The following AGPAT4 variants were observed in gnomAD, a reference collection of about 807,000 sequenced individuals.
AGPAT4 encodes the protein 1-acylglycerol-3-phosphate O-acyltransferase 4.
Under a neutral mutation model 48.0 loss-of-function variants are expected in AGPAT4, and 15 were observed. The observed-to-expected ratio is 0.31, with a 90% confidence interval of 0.21 to 0.48. AGPAT4 has a LOEUF of 0.48. AGPAT4 is among the 20% of genes least tolerant of loss of function. The probability of loss-of-function intolerance (pLI) is 0.99; values close to 1 mark genes in which losing one functional copy is unlikely to be tolerated. For missense variants in AGPAT4, 314 were observed against 482.5 expected (o/e 0.65, Z 3.27); for synonymous variants, 178 against 198.7 (o/e 0.90, Z 0.88).
Position 161,232,092 on chromosome 6 carries a change from A to G in AGPAT4, c.122T>C (p.Ile41Thr), listed in dbSNP as rs1782138743. 1.9e-6 allele frequency: 3 copies of G among 1,614,148 alleles called. No homozygotes were observed. The highest frequency in any genetic ancestry group is 3.3e-4 in the Middle Eastern group (2 of 6,062). ...GATCTTCCGGAAGAGCTGCTTGTTA[A>G]TGGGCCAGAGGAGGAGAGTGAAGAG... The part of the protein sequence containing the change: ...IQLFTLLLWP[I>T]NKQLFRKINC... The change falls in exon 2 of 9, where the codon ATT becomes ACT. Residue 41 changes from isoleucine to threonine, a missense_variant. Physicochemically the swap from Ile to Thr is moderately conservative, Grantham distance 89. Coordinates refer to ENST00000320285, the MANE Select transcript of AGPAT4 (RefSeq NM_020133.3). This position sits in a 1 kb window ranked among gnomAD's most constrained non-coding sequence, Gnocchi z 6.8.
rs539404887 is a variant in AGPAT4, at chr6:161,232,996, C to T, written c.-89-694G>A. 2.0e-5 allele frequency among the ~76,000 whole-genome samples: 3 copies of T among 152,162 alleles called. No homozygotes were observed. Among genetic ancestry groups the T allele is most frequent in the South Asian group, 2.1e-4 (1 of 4,812 alleles). ...TGTAGAATGATTTAGTGAAGGTACA[C>T]GAGGGCTCAACTTTGAGGCTATCAG... is the stretch of plus-strand genomic sequence containing the variant. On this transcript the variant is annotated intron_variant, in intron 1 of 8. Coordinates refer to ENST00000320285, the MANE Select transcript of AGPAT4 (RefSeq NM_020133.3). This position sits in a 1 kb window ranked among gnomAD's most constrained non-coding sequence, Gnocchi z 6.8.
chr6:161,230,164 C>T (rs1473312251), intron 2 of AGPAT4, among the ~76,000 whole-genome samples: 2 of 152,112 alleles, frequency 1.3e-5, no homozygotes, highest in African/African-American at 2.4e-5. Flanking sequence ...ACAATCCTGC[C>T]ATAAACTTAG....
In AGPAT4 at chr6:161,234,621, G is replaced by A. The variant is rs921225756; in HGVS notation, c.-89-2319C>T. ...AGCTTGGCAGCAGTAACAGTTTGATGTTGAATATTCATGCAATTTGTTCAT... is the reference window on the plus strand; with the variant it reads ...AGCTTGGCAGCAGTAACAGTTTGATATTGAATATTCATGCAATTTGTTCAT... On this transcript the variant is annotated intron_variant, in intron 1 of 8. Coordinates refer to ENST00000320285, the MANE Select transcript of AGPAT4 (RefSeq NM_020133.3). The surrounding 1 kb of genome is among the most constrained non-coding windows in gnomAD (Gnocchi z 4.4). 1.3e-5 allele frequency among the ~76,000 whole-genome samples: 2 copies of A among 152,138 alleles called. No individual in the cohort carries two copies. Among genetic ancestry groups the A allele is most frequent in the Admixed American group, 1.3e-4 (2 of 15,266 alleles).
intron 2 of AGPAT4, among the ~76,000 whole-genome samples, chr6:161,203,377 CTTTCTTTTTTTTT>C (rs886360114): frequency 1.3e-5 from 1 of 77,612 alleles, no homozygotes; most frequent in African/African-American, 6.4e-5. Context: ...TGTTCTTTTT[CTTTCTTTTTTTTT>C]TTTTTTTTTT....
In AGPAT4 at chr6:161,200,509, T is replaced by C. The variant is rs973049609; in HGVS notation, c.178+31527A>G. Among the ~76,000 whole-genome samples, 16 of 152,154 alleles carry C rather than the reference T, an allele frequency of 1.1e-4. No individual in the cohort carries two copies. Among genetic ancestry groups the C allele is most frequent in the African/African-American group, 3.9e-4 (16 of 41,444 alleles). ...TCCATTTCCACCCAGTATCTAATCA[T>C]AGTTGGTCTGGACAAGGGGAAAAAC... On this transcript the variant is annotated intron_variant, in intron 2 of 8. Coordinates refer to ENST00000320285, the MANE Select transcript of AGPAT4 (RefSeq NM_020133.3). The surrounding 1 kb of genome is among the most constrained non-coding windows in gnomAD (Gnocchi z 5.5).
chr6:161,179,894 G>A (rs1240623791), intron 2 of AGPAT4, among the ~76,000 whole-genome samples: 1 of 152,158 alleles, frequency 6.6e-6, no homozygotes, highest in African/African-American at 2.4e-5. Flanking sequence ...TCAACTGTAG[G>A]CTATTAGTAG....
rs551137222 is a variant in AGPAT4 at position 161,189,898 on chromosome 6, A to G, written c.179-23481T>C. 1.6e-4 allele frequency among the ~76,000 whole-genome samples: 24 copies of G among 152,350 alleles called. No homozygotes were observed. The highest frequency in any genetic ancestry group is 1.4e-3 in the Admixed American group (21 of 15,298). On this transcript the variant is annotated intron_variant, in intron 2 of 8. Transcript: ENST00000320285. This position sits in a 1 kb window ranked among gnomAD's most constrained non-coding sequence, Gnocchi z 5.3. Reference sequence around the variant, plus strand: ...GAAATGCTCCGTTGGTTCACATTTTAACATGCTGAAATCAGGGTGTGTCTC... The same window carrying G: ...GAAATGCTCCGTTGGTTCACATTTTGACATGCTGAAATCAGGGTGTGTCTC...
intron 2 of AGPAT4, among the ~76,000 whole-genome samples, chr6:161,227,234 A>G (rs912488156): frequency 1.3e-4 from 20 of 152,188 alleles, no homozygotes; most frequent in African/African-American, 4.6e-4. Context: ...GTCTCCTTTT[A>G]TGACTCATGT....
chr6:161,234,966 C>T lies in AGPAT4; in HGVS notation c.-89-2664G>A, dbSNP rs919717132. 6.6e-6 allele frequency among the ~76,000 whole-genome samples: 1 copy of T among 151,810 alleles called. No homozygotes were observed. Among genetic ancestry groups the T allele is most frequent in the Non-Finnish European group, 1.5e-5 (1 of 67,986 alleles). On this transcript the variant is annotated intron_variant, in intron 1 of 8. Coordinates refer to ENST00000320285, the MANE Select transcript of AGPAT4 (RefSeq NM_020133.3). This position sits in a 1 kb window ranked among gnomAD's most constrained non-coding sequence, Gnocchi z 4.4. ...ATGCATGAACCAGGGTCTCAGATAG[C>T]ATTGGTGAAGTGTAAAGAGGAACCC...
chr6:161,169,207 T>A lies in AGPAT4; in HGVS notation c.179-2790A>T, dbSNP rs546186394. Among the ~76,000 whole-genome samples, 1 of 151,976 alleles carries A rather than the reference T, an allele frequency of 6.6e-6. No individual in the cohort carries two copies. Among genetic ancestry groups the A allele is most frequent in the Non-Finnish European group, 1.5e-5 (1 of 68,014 alleles). On this transcript the variant is annotated intron_variant, in intron 2 of 8. Coordinates refer to ENST00000320285, the MANE Select transcript of AGPAT4 (RefSeq NM_020133.3). The surrounding 1 kb of genome is among the most constrained non-coding windows in gnomAD (Gnocchi z 5.0). The stretch of plus-strand genomic sequence containing the variant: ...TTATGATTTCATTCTAAAGGCAATA[T>A]AAAAACCACTGGAGCATTTTTAAAT...
At position 161,266,523 on chromosome 6, in the gene AGPAT4, G is replaced by T. The variant is rs1408048122; in HGVS notation, c.-90+7415C>A. 6.6e-6 allele frequency among the ~76,000 whole-genome samples: 1 copy of T among 152,218 alleles called. No homozygotes were observed. Among genetic ancestry groups the T allele is most frequent in the African/African-American group, 2.4e-5 (1 of 41,450 alleles). ...CTGTTTTATGAAGGGTGAATGGGGT[G>T]ATGGGAGAGCGTCAGGAAAGCAGAG... On this transcript the variant is annotated intron_variant, in intron 1 of 8. Coordinates refer to ENST00000320285, the MANE Select transcript of AGPAT4 (RefSeq NM_020133.3). This position sits in a 1 kb window ranked among gnomAD's most constrained non-coding sequence, Gnocchi z 6.2.
chr6:161,145,916 T>C (rs1456533610), intron 7 of AGPAT4, among the ~76,000 whole-genome samples: 2 of 151,764 alleles, frequency 1.3e-5, no homozygotes, highest in Non-Finnish European at 2.9e-5. Context: ...TAAGCTTCGC[T>C]CCTTCATAAG....
At chr6:161,182,655 C>T (rs73786018) in intron 2 of AGPAT4, among the ~76,000 whole-genome samples, 8,383 of 152,330 alleles carry the variant, frequency 0.055, 257 homozygotes, top group Middle Eastern at 0.12. Context: ...AGGGCTGCTG[C>T]CACAGGCACT....
chr6:161,139,307 C>T lies in AGPAT4; in HGVS notation c.1042+115G>A. ...TCTTTCCCTGTGATTGCAAGCTGAG[C>T]CTGCTCCTCATCCACGGCACAACTG... On this transcript the variant is annotated intron_variant, in intron 8 of 8. Transcript: ENST00000320285. The surrounding 1 kb of genome is among the most constrained non-coding windows in gnomAD (Gnocchi z 9.1). 3 of 1,173,616 alleles carry T rather than the reference C, an allele frequency of 2.6e-6. No homozygotes were observed. Among genetic ancestry groups the T allele is most frequent in the Non-Finnish European group, 3.6e-6 (3 of 822,440 alleles). 72.7% of individuals were successfully genotyped at this position (1,173,616 alleles called of 1,614,324 possible).
rs539754803 is a variant in AGPAT4 at position 161,220,474 on chromosome 6, T to C, written c.178+11562A>G. On this transcript the variant is annotated intron_variant, in intron 2 of 8. Transcript: ENST00000320285. This position sits in a 1 kb window ranked among gnomAD's most constrained non-coding sequence, Gnocchi z 6.0. ...CTTCAGATTAAAAACCCTAGAAGTA[T>C]ATGGAACAACAGAACGGATGGCCTT... Among the ~76,000 whole-genome samples the C allele has an allele frequency of 3.9e-5, 6 of 152,298 alleles. 1 individual carries two copies. The East Asian group carries it at 7.7e-4, about 20-fold the overall frequency.
Position 161,161,873 on chromosome 6 carries a change from C to T in AGPAT4, c.348+4375G>A. 1 of 253,406 alleles carries T rather than the reference C, an allele frequency of 3.9e-6. No individual in the cohort carries two copies. Among genetic ancestry groups the T allele is most frequent in the Non-Finnish European group, 7.9e-6 (1 of 127,322 alleles). 15.7% of individuals were successfully genotyped at this position (253,406 alleles called of 1,614,324 possible). A position where few individuals can be genotyped will look rare whatever the true frequency, so the allele number is the denominator to read the frequency against. On this transcript the variant is annotated intron_variant, in intron 3 of 8. Transcript: ENST00000320285. The surrounding 1 kb of genome is among the most constrained non-coding windows in gnomAD (Gnocchi z 4.6). ...CAGCACAGGGCTTTATGGGCGCCCT[C>T]ACGCACAGGCACTCTGCCTAGGAGG...
At chr6:161,205,648 T>C (rs1781359230) in intron 2 of AGPAT4, among the ~76,000 whole-genome samples, 1 of 150,194 alleles carries the variant, frequency 6.7e-6, no homozygotes, top group Non-Finnish European at 1.5e-5. Flanking sequence ...GGAAAAGCAG[T>C]ATACAACTTC....
intron 2 of AGPAT4, among the ~76,000 whole-genome samples, chr6:161,191,362 T>C (rs1381334248): frequency 6.6e-6 from 1 of 152,138 alleles, no homozygotes; most frequent in Non-Finnish European, 1.5e-5. Context: ...TAAAATGTGG[T>C]ACTTAGGAAC....
Position 161,196,533 on chromosome 6 carries a change from G to A in AGPAT4, c.179-30116C>T, listed in dbSNP as rs755002965. Reference sequence around the variant, plus strand: ...TTAAGAAGCAAGGAGAGGGTCACGCGTGGTGACTCAATGCCTGTAATCCCA... The same window carrying A: ...TTAAGAAGCAAGGAGAGGGTCACGCATGGTGACTCAATGCCTGTAATCCCA... On this transcript the variant is annotated intron_variant, in intron 2 of 8. Coordinates refer to ENST00000320285, the MANE Select transcript of AGPAT4 (RefSeq NM_020133.3). This position sits in a 1 kb window ranked among gnomAD's most constrained non-coding sequence, Gnocchi z 4.3. Among the ~76,000 whole-genome samples, 7 of 152,124 alleles carry A rather than the reference G, an allele frequency of 4.6e-5. No individual in the cohort carries two copies. Among genetic ancestry groups the A allele is most frequent in the South Asian group, 4.1e-4 (2 of 4,824 alleles).
Sources: gnomAD v4.1 joint callset for allele counts (sites outside exome capture counted in the v4.1 genomes callset) on GRCh38, gnomAD v4.1.1 for gene constraint, Gnocchi (gnomAD v3.1) non-coding constraint, MANE v1.5 for transcripts, NCBI Gene and HGNC (gene_info 2026-07-23, HGNC 2026-07-21) for gene names.